Variants in CDH13 observed in about 807,000 individuals in gnomAD.
CDH13 encodes the protein cadherin-13.
In CDH13, 24 loss-of-function variants were observed where a neutral mutation model predicts 63.8. The observed-to-expected ratio is 0.38, with a 90% CI of 0.27 to 0.53. The LOEUF (loss-of-function observed/expected upper bound fraction) is 0.53, where lower values mean the gene tolerates loss of function less well. CDH13 is among the 20% of genes least tolerant of loss of function. The pLI, the probability that CDH13 is intolerant of heterozygous loss-of-function variation, is 0.85. For synonymous variants in CDH13, 503 were observed against 355.3 expected (o/e 1.42, Z -4.67); for missense variants, 1,049 against 903.1 (o/e 1.16, Z -2.07).
At chr16:83,323,227 T>C (rs534830533) in intron 5 of CDH13, among the ~76,000 whole-genome samples, 2 of 145,394 alleles carry the variant, frequency 1.4e-5, no homozygotes, top group South Asian at 2.3e-4. Flanking sequence ...TCTTTCTTTC[T>C]TTCTTTCTTT....
intron 6 of CDH13, among the ~76,000 whole-genome samples, chr16:83,419,032 A>G (rs1373261013): frequency 1.3e-5 from 2 of 152,128 alleles, no homozygotes; most frequent in Non-Finnish European, 2.9e-5. Context: ...CTGTTTTCTC[A>G]AACAGCCAAG....
At chr16:83,070,941 A>G (rs767601135) in intron 3 of CDH13, among the ~76,000 whole-genome samples, 17 of 141,784 alleles carry the variant, frequency 1.2e-4, no homozygotes, top group Middle Eastern at 3.9e-3. Context: ...TTAGGAGGGG[A>G]GTTATGCTTC....
At chr16:82,981,759 C>G (rs1387432563) in intron 2 of CDH13, among the ~76,000 whole-genome samples, 1 of 152,212 alleles carries the variant, frequency 6.6e-6, no homozygotes, top group Admixed American at 6.5e-5. Flanking sequence ...TCAGCCTTTG[C>G]TGCAACATTG....
chr16:83,022,580 C>T (rs1015673019), intron 2 of CDH13, among the ~76,000 whole-genome samples: 1 of 152,208 alleles, frequency 6.6e-6, no homozygotes, highest in Non-Finnish European at 1.5e-5. Context: ...CACTGCAAGT[C>T]CTTCTCTTCT....
chr16:82,979,678 C>G (rs990907487), intron 2 of CDH13, among the ~76,000 whole-genome samples: 3 of 152,178 alleles, frequency 2.0e-5, no homozygotes, highest in Non-Finnish European at 2.9e-5. Flanking sequence ...AAACCTCTTT[C>G]CTTTATAAAT....
chr16:82,736,431 G>A (rs2033676360), intron 1 of CDH13, among the ~76,000 whole-genome samples: 1 of 152,168 alleles, frequency 6.6e-6, no homozygotes, highest in South Asian at 2.1e-4. Context: ...CAGACACAAT[G>A]CTAGCCTTCC....
rs1442675267 is a variant in CDH13, at chr16:83,795,900, T to C, written c.*870T>C. ...TGGTAGAGAATCTCTCCCTCCTCAG[T>C]AAATGTACAACTGCACCTGTCATCA... On this transcript the variant is annotated 3_prime_UTR_variant, in exon 14 of 14. Coordinates refer to ENST00000567109, the MANE Select transcript of CDH13 (RefSeq NM_001257.5). 3 of 152,658 alleles carry C rather than the reference T, an allele frequency of 2.0e-5. No homozygotes were observed. The East Asian group carries it at 5.8e-4, about 29-fold the overall frequency. The allele number at this position is 152,658 out of a possible 1,614,324, so 9.5% of individuals were successfully genotyped here. A position where few individuals can be genotyped will look rare whatever the true frequency, so the allele number is the denominator to read the frequency against.
At chr16:83,562,820 AAACAT>A (rs2075731728) in intron 7 of CDH13, among the ~76,000 whole-genome samples, 1 of 152,250 alleles carries the variant, frequency 6.6e-6, no homozygotes, top group Non-Finnish European at 1.5e-5. Context: ...CAAACTTGGT[AAACAT>A]GCATCTGAAA....
chr16:83,158,396 T>C (rs372891970), intron 4 of CDH13, among the ~76,000 whole-genome samples: 4 of 152,296 alleles, frequency 2.6e-5, no homozygotes, highest in South Asian at 4.1e-4. Flanking sequence ...TGACCACGTC[T>C]TTATTCAATA....
chr16:82,867,585 T>A (rs536086800), intron 2 of CDH13, among the ~76,000 whole-genome samples: 2 of 152,188 alleles, frequency 1.3e-5, no homozygotes, highest in African/African-American at 4.8e-5. Flanking sequence ...AGGTCCTCCA[T>A]GGAGTGTGTG....
Position 82,717,632 on chromosome 16 carries a change from C to T in CDH13, c.45+90495C>T, listed in dbSNP as rs994464257. Among the ~76,000 whole-genome samples, 5 of 152,224 alleles carry T rather than the reference C, an allele frequency of 3.3e-5. No individual in the cohort carries two copies. The East Asian group carries it at 9.7e-4, about 29-fold the overall frequency. On this transcript the variant is annotated intron_variant, in intron 1 of 13. Transcript: ENST00000567109. The stretch of plus-strand genomic sequence containing the variant: ...TCAGTCTAGTCCCTGGCTCCGTGGT[C>T]CCATGACCTTTTGTGTCCAATATTC...
chr16:83,666,423 G>T (rs982768023), intron 8 of CDH13, among the ~76,000 whole-genome samples: 1 of 152,136 alleles, frequency 6.6e-6, no homozygotes, highest in Admixed American at 6.5e-5. Flanking sequence ...TGTGTTGAAT[G>T]TTTTCCATAT....
intron 4 of CDH13, among the ~76,000 whole-genome samples, chr16:83,166,006 GA>G: frequency 6.6e-6 from 1 of 152,182 alleles, no homozygotes; most frequent in Non-Finnish European, 1.5e-5. Context: ...TTTAAAAGTA[GA>G]AAAAATGAAA....
At chr16:83,257,514 A>T (rs1906442264) in intron 5 of CDH13, among the ~76,000 whole-genome samples, 1 of 152,166 alleles carries the variant, frequency 6.6e-6, no homozygotes, top group Non-Finnish European at 1.5e-5. Context: ...TACAAAAGAA[A>T]ATGTCTCAGG....
Position 83,678,199 on chromosome 16 carries a change from G to T in CDH13, c.1285-9G>T. On this transcript the variant is annotated splice_polypyrimidine_tract_variant and intron_variant, in intron 9 of 13. Transcript: ENST00000567109. ...TGTGCATCCTGAGACCCTTCTGTCT[G>T]CTTTCCAGCCATTGGACTATGAAAT... The T allele has an allele frequency of 6.2e-7, 1 of 1,606,494 alleles. No homozygotes were observed. Among genetic ancestry groups the T allele is most frequent in the South Asian group, 1.1e-5 (1 of 90,618 alleles).
intron 3 of CDH13, among the ~76,000 whole-genome samples, chr16:83,110,509 C>T (rs912143383): frequency 1.1e-4 from 16 of 152,088 alleles, no homozygotes; most frequent in African/African-American, 3.6e-4. Flanking sequence ...ACTGGGCTGG[C>T]GAGCTGAGTC....
chr16:83,110,850 AC>A (rs2035022945), intron 3 of CDH13, among the ~76,000 whole-genome samples: 1 of 151,694 alleles, frequency 6.6e-6, no homozygotes, highest in Non-Finnish European at 1.5e-5. Context: ...CCTGGAGCAT[AC>A]CCCCAAAACC....
chr16:83,612,200 T>G (rs769261043), intron 8 of CDH13, among the ~76,000 whole-genome samples: 3 of 152,058 alleles, frequency 2.0e-5, no homozygotes, highest in Non-Finnish European at 4.4e-5. Context: ...ATTAGATGTA[T>G]ACAAATTTAA....
chr16:83,508,102 AGG>A (rs1180666476), intron 7 of CDH13, among the ~76,000 whole-genome samples: 30 of 75,296 alleles, frequency 4.0e-4, no homozygotes, highest in East Asian at 8.9e-4. Flanking sequence ...GAAGGAAAGA[AGG>A]AAGGAAAAGG....
Sources: allele counts gnomAD v4.1 joint callset (sites outside exome capture counted in the v4.1 genomes callset), GRCh38; gene constraint gnomAD v4.1.1; transcripts MANE v1.5; gene names NCBI Gene and HGNC (gene_info 2026-07-23, HGNC 2026-07-21).